STX8: variants seen among roughly 807,000 people sequenced by gnomAD.
STX8 encodes the protein syntaxin 8, also known as syntaxin-8.
A neutral mutation model predicts 37.5 loss-of-function variants in STX8; 23 were observed. That is an observed-to-expected ratio of 0.61 (90% CI 0.44 to 0.87). The LOEUF (loss-of-function observed/expected upper bound fraction) is 0.87. STX8 is among the 40% of genes least tolerant of loss of function. STX8 has a pLI of 0.00. For missense variants in STX8, 313 were observed against 284.7 expected, an observed-to-expected ratio of 1.10 and a Z score of -0.71; for synonymous variants, 115 against 99.1, an observed-to-expected ratio of 1.16 and a Z score of -0.95.
intron 6 of STX8, among the ~76,000 whole-genome samples, chr17:9,434,238 C>T (rs564848211): frequency 2.6e-5 from 4 of 152,232 alleles, no homozygotes; most frequent in South Asian, 2.1e-4. Flanking sequence ...CTCTGGACCT[C>T]GTGATCCGCC....
intron 7 of STX8, among the ~76,000 whole-genome samples, chr17:9,307,144 G>GTAAA (rs202128339): frequency 1.3e-5 from 2 of 151,886 alleles, no homozygotes; most frequent in Admixed American, 6.6e-5. Flanking sequence ...AATAAAGTAA[G>GTAAA]TAAATAAATA....
intron 7 of STX8, among the ~76,000 whole-genome samples, chr17:9,363,008 T>C (rs1911117438): frequency 6.6e-6 from 1 of 152,154 alleles, no homozygotes; most frequent in Admixed American, 6.5e-5. Flanking sequence ...GGCCACCCTG[T>C]ATGATAGGAG....
intron 7 of STX8, among the ~76,000 whole-genome samples, chr17:9,285,958 A>G (rs1402717449): frequency 6.6e-6 from 1 of 152,156 alleles, no homozygotes; most frequent in Non-Finnish European, 1.5e-5. Flanking sequence ...TGGAATCCCC[A>G]TATTACCGCA....
intron 6 of STX8, among the ~76,000 whole-genome samples, chr17:9,479,525 G>C (rs1906230048): frequency 6.7e-6 from 1 of 149,566 alleles, no homozygotes; most frequent in African/African-American, 2.4e-5. Context: ...ACATGTTATA[G>C]ATAAAGTATG....
chr17:9,262,329 G>T (rs1278973524), intron 7 of STX8, among the ~76,000 whole-genome samples: 1 of 152,084 alleles, frequency 6.6e-6, no homozygotes, highest in Non-Finnish European at 1.5e-5. Flanking sequence ...GGCCAACAAG[G>T]TTCTCTTCTC....
intron 7 of STX8, among the ~76,000 whole-genome samples, chr17:9,280,190 A>G (rs1348505272): frequency 1.3e-5 from 2 of 152,236 alleles, no homozygotes; most frequent in East Asian, 3.8e-4. Flanking sequence ...ACTGCACTCC[A>G]GCGTAGGAGA....
intron 7 of STX8, among the ~76,000 whole-genome samples, chr17:9,282,079 A>T (rs755467672): frequency 2.6e-5 from 4 of 152,106 alleles, no homozygotes; most frequent in Non-Finnish European, 5.9e-5. Context: ...TTCCAGATGG[A>T]CATTTTATGT....
At chr17:9,318,513 G>A (rs1331069751) in intron 7 of STX8, among the ~76,000 whole-genome samples, 4 of 152,168 alleles carry the variant, frequency 2.6e-5, no homozygotes, top group Non-Finnish European at 4.4e-5. Flanking sequence ...CCCTAACCAT[G>A]TTTTGACATT....
intron 7 of STX8, among the ~76,000 whole-genome samples, chr17:9,358,161 T>G (rs1957712910): frequency 6.6e-6 from 1 of 152,086 alleles, no homozygotes. Flanking sequence ...AAGACAAGCC[T>G]AGGTAAGAAA....
intron 4 of STX8, among the ~76,000 whole-genome samples, chr17:9,539,097 T>C (rs1453513905): frequency 2.6e-5 from 4 of 152,216 alleles, no homozygotes; most frequent in Non-Finnish European, 5.9e-5. Flanking sequence ...TTTAGAATAA[T>C]GACCAGTAAT....
chr17:9,373,993 C>T (rs1044542331), intron 7 of STX8, among the ~76,000 whole-genome samples: 45 of 149,720 alleles, frequency 3.0e-4, no homozygotes, highest in Non-Finnish European at 4.9e-4. Flanking sequence ...GAGACTCTAT[C>T]TCTAGAATTT....
intron 7 of STX8, among the ~76,000 whole-genome samples, chr17:9,330,113 G>C (rs1431572473): frequency 6.6e-6 from 1 of 152,122 alleles, no homozygotes; most frequent in Non-Finnish European, 1.5e-5. Context: ...GAAACAGGAG[G>C]CAGAGTCCCT....
At chr17:9,547,639 AGAAAAAAG>A (rs1361106765) in intron 3 of STX8, among the ~76,000 whole-genome samples, 3 of 132,214 alleles carry the variant, frequency 2.3e-5, no homozygotes, top group Admixed American at 8.1e-5. Flanking sequence ...AAAAAAAAAA[AGAAAAAAG>A]AAAAGAAAAG....
At chr17:9,493,876 C>T (rs909886890) in intron 5 of STX8, among the ~76,000 whole-genome samples, 7 of 152,232 alleles carry the variant, frequency 4.6e-5, no homozygotes, top group Admixed American at 2.0e-4. Context: ...TACCTAAATG[C>T]CCAAACACAG....
rs1383845927 is a variant in STX8, at chr17:9,504,962, A to G, written c.448+76T>C. 1.1e-5 allele frequency: 6 copies of G among 527,652 alleles called. No individual in the cohort carries two copies. In the African/African-American group the frequency reaches 1.8e-4, roughly 16 times the overall value. The allele number at this position is 527,652 out of a possible 1,614,324, so 32.7% of individuals were successfully genotyped here. A position where few individuals can be genotyped will look rare whatever the true frequency, so the allele number is the denominator to read the frequency against. On this transcript the variant is annotated intron_variant, in intron 5 of 7. Coordinates refer to ENST00000306357, the MANE Select transcript of STX8 (RefSeq NM_004853.3). ...GCACTCCAGCCTAGGCGACATAGCA[A>G]GACTCCGTCTCAAAAAAAAAAAAAA...
chr17:9,432,037 C>T (rs1322495617), intron 6 of STX8, among the ~76,000 whole-genome samples: 1 of 152,142 alleles, frequency 6.6e-6, no homozygotes, highest in Admixed American at 6.6e-5. Context: ...TTACACTTCA[C>T]CATCATTTTA....
chr17:9,535,424 CTTTTTTTTT>C (rs35962202), intron 4 of STX8, among the ~76,000 whole-genome samples: 11 of 51,550 alleles, frequency 2.1e-4, no homozygotes, highest in East Asian at 1.7e-3. Flanking sequence ...AGCCATCCTA[CTTTTTTTTT>C]TTTTTTTTTT....
intron 7 of STX8, among the ~76,000 whole-genome samples, chr17:9,306,892 G>A (rs1294275499): frequency 6.6e-6 from 1 of 152,154 alleles, no homozygotes; most frequent in African/African-American, 2.4e-5. Flanking sequence ...TTGGGAGGCT[G>A]AGGAGGGAGG....
At chr17:9,451,218 C>T (rs2142402379) in intron 6 of STX8, among the ~76,000 whole-genome samples, 1 of 152,294 alleles carries the variant, frequency 6.6e-6, no homozygotes, top group South Asian at 2.1e-4. Flanking sequence ...TCAAGCTAGA[C>T]TTGGAGTGGT....
Sources: gnomAD v4.1 joint callset for allele counts (sites outside exome capture counted in the v4.1 genomes callset) on GRCh38, gnomAD v4.1.1 for gene constraint, MANE v1.5 for transcripts, NCBI Gene and HGNC (gene_info 2026-07-23, HGNC 2026-07-21) for gene names.